MTNR1A: variants seen among roughly 807,000 people sequenced by gnomAD.
The protein encoded by MTNR1A is melatonin receptor type 1A.
Under a neutral mutation model 5.5 loss-of-function variants are expected in MTNR1A, and 7 were observed. The ratio of observed to expected loss-of-function variants is 1.28; its 90% CI spans 0.73 to 2.40. MTNR1A has a LOEUF of 2.40. Ranked by LOEUF, MTNR1A falls within the 30% of genes most tolerant of loss-of-function variation. The pLI is 0.00. For synonymous variants in MTNR1A, 196 were observed against 202.7 expected (o/e 0.97, Z 0.28); for missense variants, 441 against 464.4 (o/e 0.95, Z 0.46).
intron 1 of MTNR1A, 125 bp from the exon 2 acceptor site, chr4:186,534,682 G>A: frequency 8.6e-7 from 1 of 1,165,924 alleles, no homozygotes; most frequent in Non-Finnish European, 1.2e-6. Flanking sequence ...CGGCCGCACT[G>A]CAAATGAAGT....
At position 186,546,643 on chromosome 4, in the gene MTNR1A, T is replaced by G. The variant is rs372422874; in HGVS notation, c.184+8539A>C. Among the ~76,000 whole-genome samples, 20 of 146,698 alleles carry G rather than the reference T, an allele frequency of 1.4e-4. No homozygotes were observed. The South Asian group carries it at 4.4e-3, about 32-fold the overall frequency. Reference sequence around the variant, plus strand: ...TACAACAACACACCATCCGCCTCGCTCCCTGTTCATGCCACCCACATCACA... The same window carrying G: ...TACAACAACACACCATCCGCCTCGCGCCCTGTTCATGCCACCCACATCACA... On this transcript the variant is annotated intron_variant, in intron 1 of 1. Coordinates refer to ENST00000307161, the MANE Select transcript of MTNR1A (RefSeq NM_005958.4).
rs1252373257 is a variant in MTNR1A at position 186,536,670 on chromosome 4, T to C, written c.185-2113A>G. 3.3e-5 allele frequency among the ~76,000 whole-genome samples: 5 copies of C among 152,280 alleles called. No individual in the cohort carries two copies. In the South Asian group the frequency reaches 6.2e-4, roughly 19 times the overall value. On this transcript the variant is annotated intron_variant, in intron 1 of 1. Coordinates refer to ENST00000307161, the MANE Select transcript of MTNR1A (RefSeq NM_005958.4). ...CCAATATTTGAAATGAGACAGCCCA[T>C]AGCAGTCAAGATGAGAGAAAGGCAA...
chr4:186,547,365 ACACACTGTCCACACCACACCCTGTTCG>A (rs1737175508), intron 1 of MTNR1A, among the ~76,000 whole-genome samples: 1 of 147,722 alleles, frequency 6.8e-6, no homozygotes, highest in African/African-American at 2.6e-5. Flanking sequence ...TGTTCGTGGG[ACACACTGTCCACACCACACCCTGTTCG>A]TGGGACACAC....
chr4:186,555,319 A>T lies in MTNR1A; in HGVS notation c.47T>A (p.Leu16His), dbSNP rs1443867692. 6.5e-7 allele frequency: 1 copy of T among 1,546,442 alleles called. No individual in the cohort carries two copies. Among genetic ancestry groups the T allele is most frequent in the Non-Finnish European group, 8.7e-7 (1 of 1,145,650 alleles). The change falls in exon 1 of 2, where the codon CTC (leucine) becomes CAC (histidine). Residue 16 changes from leucine (L) to histidine (H), a missense_variant. Transcript: ENST00000307161. The surrounding 1 kb of genome is among the most constrained non-coding windows in gnomAD (Gnocchi z 4.1). Reference protein sequence around the residue: ...SALPNASQPVLRGDGARPSWL... With the variant: ...SALPNASQPVHRGDGARPSWL... Reference sequence around the variant, plus strand: ...CGAGGGCCGCGCGCCGTCCCCGCGGAGCACGGGCTGGGAGGCGTTGGGCAG... The same window carrying T: ...CGAGGGCCGCGCGCCGTCCCCGCGGTGCACGGGCTGGGAGGCGTTGGGCAG...
At chr4:186,547,975 G>A (rs943361494) in intron 1 of MTNR1A, among the ~76,000 whole-genome samples, 5 of 152,156 alleles carry the variant, frequency 3.3e-5, no homozygotes, top group Non-Finnish European at 7.4e-5. Flanking sequence ...CCACAGTACA[G>A]CCTGACTGGT....
At position 186,534,527 on chromosome 4, in the gene MTNR1A, G is replaced by A. The variant is rs1236608845; in HGVS notation, c.215C>T (p.Ala72Val). 12 of 1,613,326 alleles carry A rather than the reference G, an allele frequency of 7.4e-6. No individual in the cohort carries two copies. The highest frequency in any genetic ancestry group is 9.3e-6 in the Non-Finnish European group (11 of 1,180,020). ...CGGATAAATGGCCACCACCAGGTCT[G>A]CCACCGCTAAGCTCACCACAAAGAT... ...GNIFVVSLAV[A>V]DLVVAIYPYP... Residue 72 changes from alanine (A) to valine (V), a missense_variant, in exon 2 of 2, where the codon GCA (alanine) becomes GTA (valine). Coordinates refer to ENST00000307161, the MANE Select transcript of MTNR1A (RefSeq NM_005958.4).
At position 186,534,248 on chromosome 4, in the gene MTNR1A, G is replaced by A; in HGVS notation, c.494C>T (p.Ala165Val). Residue 165 changes from alanine (A) to valine (V), a missense_variant, in exon 2 of 2, where the codon GCA becomes GTA. Coordinates refer to ENST00000307161, the MANE Select transcript of MTNR1A (RefSeq NM_005958.4). ...TLAAVLPNLR[A>V]GTLQYDPRIY... The stretch of plus-strand genomic sequence containing the variant: ...CCTCGGGTCGTACTGGAGAGTCCCT[G>A]CACGGAGGTTGGGCAGGACGGCCGC... The A allele has an allele frequency of 6.2e-7, 1 of 1,614,128 alleles. No individual in the cohort carries two copies. The highest frequency in any genetic ancestry group is 8.5e-7 in the Non-Finnish European group (1 of 1,180,014).
rs1737166838 is a variant in MTNR1A at position 186,547,120 on chromosome 4, TCCTCACACCCTGTTCCTGGGACACACC to T, written c.184+8035_184+8061del. 1.3e-4 allele frequency among the ~76,000 whole-genome samples: 2 copies of T among 15,180 alleles called. 1 individual carries two copies. Among genetic ancestry groups the T allele is most frequent in the African/African-American group, 3.4e-4 (2 of 5,824 alleles). 10.0% of individuals were successfully genotyped at this position (15,180 alleles called of 152,430 possible). A position where few individuals can be genotyped will look rare whatever the true frequency, so the allele number is the denominator to read the frequency against. ...CACACCCTGTTCCTGGGACACACCG[TCCTCACACCCTGTTCCTGGGACACACC>T]GTCCTCCTCACACCCTGTTCCTGGG... On this transcript the variant is annotated intron_variant, in intron 1 of 1. Transcript: ENST00000307161.
intron 1 of MTNR1A, among the ~76,000 whole-genome samples, chr4:186,539,905 C>A (rs1021159877): frequency 1.3e-5 from 2 of 152,204 alleles, no homozygotes; most frequent in African/African-American, 4.8e-5. Context: ...CACCCAAATT[C>A]ATGGATGCTT....
chr4:186,550,464 C>T (rs1445192553), intron 1 of MTNR1A, among the ~76,000 whole-genome samples: 1 of 152,144 alleles, frequency 6.6e-6, no homozygotes, highest in African/African-American at 2.4e-5. Context: ...TTCAGTTATT[C>T]TGTTGATTAT....
intron 1 of MTNR1A, among the ~76,000 whole-genome samples, chr4:186,552,634 G>T (rs959070132): frequency 6.6e-6 from 1 of 152,088 alleles, no homozygotes; most frequent in Admixed American, 6.5e-5. Context: ...TCTCATATGC[G>T]CCACTTCACT....
chr4:186,536,663 C>T (rs1420826961), intron 1 of MTNR1A, among the ~76,000 whole-genome samples: 1 of 152,160 alleles, frequency 6.6e-6, no homozygotes, highest in African/African-American at 2.4e-5. Context: ...TGAAATGAGA[C>T]AGCCCATAGC....
At position 186,534,174 on chromosome 4, in the gene MTNR1A, C is replaced by G; in HGVS notation, c.568G>C (p.Ala190Pro). The change falls in exon 2 of 2, where the codon GCC becomes CCC. Residue 190 changes from alanine to proline, a missense_variant. Ala to Pro is a conservative substitution (Grantham distance 27). Transcript: ENST00000307161. ...AQSVSSAYTI[A>P]VVVFHFLVPM... ...ACGAGGAAGTGGAAAACCACCACGG[C>G]GATGGTGTAGGCGGAGCTGACGGAC... The G allele has an allele frequency of 1.2e-6, 2 of 1,613,266 alleles. No individual in the cohort carries two copies. Among genetic ancestry groups the G allele is most frequent in the Non-Finnish European group, 1.7e-6 (2 of 1,179,344 alleles).
At chr4:186,537,097 C>A (rs780081725) in intron 1 of MTNR1A, among the ~76,000 whole-genome samples, 4 of 151,972 alleles carry the variant, frequency 2.6e-5, no homozygotes, top group Non-Finnish European at 5.9e-5. Flanking sequence ...AATTATGTTG[C>A]ATTACAATTC....
At chr4:186,548,651 A>T (rs1737204027) in intron 1 of MTNR1A, among the ~76,000 whole-genome samples, 1 of 151,704 alleles carries the variant, frequency 6.6e-6, no homozygotes, top group Non-Finnish European at 1.5e-5. Context: ...TGAGCAAATT[A>T]GGTCACTTGC....
At chr4:186,553,548 G>A (rs1407633955) in intron 1 of MTNR1A, among the ~76,000 whole-genome samples, 1 of 152,156 alleles carries the variant, frequency 6.6e-6, no homozygotes, top group Non-Finnish European at 1.5e-5. Flanking sequence ...TTTCACTCTT[G>A]TTGCCCAGGC....
chr4:186,542,357 T>A (rs1737045213), intron 1 of MTNR1A, among the ~76,000 whole-genome samples: 1 of 152,200 alleles, frequency 6.6e-6, no homozygotes, highest in African/African-American at 2.4e-5. Flanking sequence ...CCCACGGACG[T>A]ACAGGACGCC....
chr4:186,536,798 A>T (rs1287021170), intron 1 of MTNR1A, among the ~76,000 whole-genome samples: 1 of 152,246 alleles, frequency 6.6e-6, no homozygotes. Context: ...AGGCAAATTT[A>T]TTTTCCCACA....
chr4:186,547,061 CACA>C (rs1579253866), intron 1 of MTNR1A, among the ~76,000 whole-genome samples: 3 of 111,164 alleles, frequency 2.7e-5, no homozygotes, highest in African/African-American at 7.1e-5. Flanking sequence ...ACACACCGTC[CACA>C]CCACACCCTG....
Sources: gnomAD v4.1 joint callset for allele counts (sites outside exome capture counted in the v4.1 genomes callset) on GRCh38, gnomAD v4.1.1 for gene constraint, Gnocchi (gnomAD v3.1) non-coding constraint, MANE v1.5 for transcripts, NCBI Gene and HGNC (gene_info 2026-07-23, HGNC 2026-07-21) for gene names.